The following MAD1L1 variants were observed in gnomAD, a reference collection of about 807,000 sequenced individuals.
MAD1L1 encodes mitotic arrest deficient 1 like 1, also known as mitotic spindle assembly checkpoint protein MAD1.
Under a neutral mutation model 96.9 loss-of-function variants are expected in MAD1L1, and 95 were observed. The ratio of observed to expected loss-of-function variants is 0.98; its 90% CI spans 0.83 to 1.16. MAD1L1 has a LOEUF of 1.16. Ranked by LOEUF, MAD1L1 falls within the 50% of genes most tolerant of loss-of-function variation. The pLI, the probability that MAD1L1 is intolerant of heterozygous loss-of-function variation, is 0.00. For missense variants in MAD1L1, 1,007 were observed against 954.4 expected, an observed-to-expected ratio of 1.06 and a Z score of -0.73; for synonymous variants, 473 against 396.6, an observed-to-expected ratio of 1.19 and a Z score of -2.29.
intron 18 of MAD1L1, chr7:1,838,948 C>T (rs957296830): frequency 2.0e-5 from 8 of 399,984 alleles, no homozygotes; most frequent in Admixed American, 6.2e-5. Flanking sequence ...AAAGACACGC[C>T]GGGCTCTGGG....
At chr7:1,833,016 G>T (rs2128628053) in intron 18 of MAD1L1, among the ~76,000 whole-genome samples, 1 of 152,238 alleles carries the variant, frequency 6.6e-6, no homozygotes, top group East Asian at 1.9e-4. Flanking sequence ...CACCATCAAA[G>T]CAAGAACCTC....
chr7:1,886,845 C>T (rs905788741), intron 18 of MAD1L1, among the ~76,000 whole-genome samples: 9 of 152,262 alleles, frequency 5.9e-5, no homozygotes, highest in Non-Finnish European at 1.2e-4. Flanking sequence ...CCTAGCCCTG[C>T]ACCCTTCCTG....
intron 10 of MAD1L1, among the ~76,000 whole-genome samples, chr7:2,195,828 C>T (rs1486826104): frequency 6.6e-6 from 1 of 152,250 alleles, no homozygotes; most frequent in East Asian, 1.9e-4. Flanking sequence ...GGTCAGCCCT[C>T]CAGCAGGCTG....
At chr7:1,830,416 A>T (rs939878555) in intron 18 of MAD1L1, among the ~76,000 whole-genome samples, 3 of 152,206 alleles carry the variant, frequency 2.0e-5, no homozygotes, top group African/African-American at 7.2e-5. Flanking sequence ...AAATAAAAAT[A>T]AAAACAAACA....
intron 11 of MAD1L1, among the ~76,000 whole-genome samples, chr7:2,133,070 C>T (rs10950559): frequency 0.29 from 40,787 of 142,354 alleles, 7,248 homozygotes; most frequent in East Asian, 0.5. Flanking sequence ...CATCTCCTCA[C>T]GTGCTTCTCC....
At chr7:1,929,477 G>A (rs557415801) in intron 17 of MAD1L1, among the ~76,000 whole-genome samples, 2 of 152,276 alleles carry the variant, frequency 1.3e-5, no homozygotes, top group South Asian at 2.1e-4. Context: ...CCAAGGGCCC[G>A]TGCCGATGGC....
At chr7:2,187,836 G>A (rs1791532615) in intron 10 of MAD1L1, among the ~76,000 whole-genome samples, 1 of 152,196 alleles carries the variant, frequency 6.6e-6, no homozygotes, top group Non-Finnish European at 1.5e-5. Context: ...TCAGGCTTGA[G>A]CATCTGGTAG....
chr7:2,011,837 G>A (rs1387504084), intron 13 of MAD1L1, among the ~76,000 whole-genome samples: 2 of 152,186 alleles, frequency 1.3e-5, no homozygotes, highest in South Asian at 2.1e-4. Flanking sequence ...ACAGGCCAGT[G>A]CAGCGGGGTC....
intron 11 of MAD1L1, among the ~76,000 whole-genome samples, chr7:2,116,490 C>G (rs1039753977): frequency 6.8e-6 from 1 of 147,212 alleles, no homozygotes; most frequent in African/African-American, 2.5e-5. Flanking sequence ...GGCAGGGAAA[C>G]CGAGGTGTCC....
chr7:1,951,955 C>T (rs533664300), intron 16 of MAD1L1, among the ~76,000 whole-genome samples: 6 of 152,280 alleles, frequency 3.9e-5, no homozygotes, highest in South Asian at 4.2e-4. Context: ...ATGTACGCAG[C>T]GGTGGACTTG....
At chr7:1,902,068 C>T (rs771503572) in intron 17 of MAD1L1, among the ~76,000 whole-genome samples, 6 of 152,162 alleles carry the variant, frequency 3.9e-5, no homozygotes, top group African/African-American at 9.7e-5. Flanking sequence ...GAGGATGCAG[C>T]GGCGGCTGCC....
At chr7:2,201,581 T>C (rs1366944719) in intron 10 of MAD1L1, among the ~76,000 whole-genome samples, 1 of 152,212 alleles carries the variant, frequency 6.6e-6, no homozygotes, top group African/African-American at 2.4e-5. Flanking sequence ...CCTTAGACTT[T>C]TTAAAATCAA....
chr7:2,219,958 G>C (rs1021668559), intron 5 of MAD1L1, among the ~76,000 whole-genome samples: 9 of 152,306 alleles, frequency 5.9e-5, no homozygotes, highest in African/African-American at 1.9e-4. Flanking sequence ...GCACCTGGCA[G>C]TCTCTGTGCC....
intron 18 of MAD1L1, among the ~76,000 whole-genome samples, chr7:1,862,883 C>T (rs1008760384): frequency 6.6e-6 from 1 of 152,236 alleles, no homozygotes; most frequent in African/African-American, 2.4e-5. Context: ...GGGCCCACAG[C>T]TACTTGCCGG....
chr7:1,827,982 GGATGCGGGGTGAGGAGGGCCGGA>G (rs1289502182), intron 18 of MAD1L1, among the ~76,000 whole-genome samples: 2 of 152,172 alleles, frequency 1.3e-5, no homozygotes, highest in African/African-American at 2.4e-5. Context: ...GTGATGCTGG[GGATGCGGGGTGAGGAGGGCCGGA>G]GATGCAGGCC....
intron 17 of MAD1L1, among the ~76,000 whole-genome samples, chr7:1,911,624 G>C (rs34290436): frequency 0.28 from 42,230 of 152,132 alleles, 6,801 homozygotes; most frequent in Middle Eastern, 0.4. Flanking sequence ...GCCAGACTCC[G>C]GCGTCACCTC....
At chr7:2,065,281 C>T (rs1228842702) in intron 12 of MAD1L1, among the ~76,000 whole-genome samples, 3 of 152,156 alleles carry the variant, frequency 2.0e-5, no homozygotes, top group East Asian at 1.9e-4. Context: ...CTGCACCCAG[C>T]GAATACAGAC....
chr7:2,209,987 A>G (rs1002770012), intron 10 of MAD1L1: 11 of 152,330 alleles, frequency 7.2e-5, no homozygotes, highest in African/African-American at 2.4e-4. Context: ...ACCACATTCA[A>G]TGCTGCCAGA....
At chr7:2,209,981 C>T (rs1166709702) in intron 10 of MAD1L1, 1 of 152,324 alleles carries the variant, frequency 6.6e-6, no homozygotes, top group East Asian at 1.9e-4. Flanking sequence ...TTCACCACCA[C>T]ATTCAATGCT....
Sources: gnomAD v4.1 joint callset for allele counts (sites outside exome capture counted in the v4.1 genomes callset) on GRCh38, gnomAD v4.1.1 for gene constraint, MANE v1.5 for transcripts, NCBI Gene and HGNC (gene_info 2026-07-23, HGNC 2026-07-21) for gene names.